The following PGBD5 variants were observed in gnomAD, a reference collection of about 807,000 sequenced individuals.
PGBD5 encodes piggyBac transposable element-derived protein 5.
Under a neutral mutation model 47.9 loss-of-function variants are expected in PGBD5, and 14 were observed. That is an observed-to-expected ratio of 0.29 (90% CI 0.19 to 0.46). The LOEUF (loss-of-function observed/expected upper bound fraction) is 0.46. Among genes scored for constraint, PGBD5 ranks in the 20% least tolerant of loss-of-function variants. PGBD5 has a pLI of 1.00. For synonymous variants in PGBD5, 316 were observed against 306.3 expected, an observed-to-expected ratio of 1.03 and a Z score of -0.33; for missense variants, 635 against 716.0, an observed-to-expected ratio of 0.89 and a Z score of 1.29.
Position 230,367,707 on chromosome 1 carries a change from A to C in PGBD5, c.332-10386T>G, listed in dbSNP as rs1440165500. 2.6e-5 allele frequency among the ~76,000 whole-genome samples: 4 copies of C among 152,200 alleles called. No individual in the cohort carries two copies. The East Asian group carries it at 5.8e-4, about 22-fold the overall frequency. ...AGACCCTGTCTCTTAAAAAATAATA[A>C]AATTTAAAAAGGGTGCTCCGTCATC... On this transcript the variant is annotated intron_variant, in intron 1 of 6. Coordinates refer to ENST00000391860, the MANE Select transcript of PGBD5 (RefSeq NM_001258311.2).
chr1:230,372,927 C>T (rs1667951714), intron 1 of PGBD5, among the ~76,000 whole-genome samples: 1 of 152,118 alleles, frequency 6.6e-6, no homozygotes, highest in Non-Finnish European at 1.5e-5. Flanking sequence ...CTACATATCA[C>T]CTCCTCCCAG....
intron 1 of PGBD5, among the ~76,000 whole-genome samples, chr1:230,397,178 G>A (rs900981714): frequency 1.3e-5 from 2 of 152,170 alleles, no homozygotes; most frequent in African/African-American, 2.4e-5. Context: ...CTTCACCCCC[G>A]CCACTGTGGA....
At chr1:230,405,999 T>C (rs1657289489) in intron 1 of PGBD5, among the ~76,000 whole-genome samples, 1 of 152,186 alleles carries the variant, frequency 6.6e-6, no homozygotes, top group African/African-American at 2.4e-5. Flanking sequence ...TATGCTAGGA[T>C]TCTTTACAGT....
intron 1 of PGBD5, among the ~76,000 whole-genome samples, chr1:230,362,009 T>C (rs1667751376): frequency 6.6e-6 from 1 of 152,172 alleles, no homozygotes; most frequent in Non-Finnish European, 1.5e-5. Flanking sequence ...CAGAATGCCT[T>C]GAATTTAGTG....
intron 5 of PGBD5, 73 bp downstream of exon 5, chr1:230,332,771 C>A: frequency 6.4e-7 from 1 of 1,554,472 alleles, no homozygotes; most frequent in South Asian, 1.2e-5. Context: ...CCACATCCAC[C>A]GCAGCGGTGG....
At chr1:230,364,680 A>G (rs984021166) in intron 1 of PGBD5, among the ~76,000 whole-genome samples, 2 of 152,290 alleles carry the variant, frequency 1.3e-5, no homozygotes, top group East Asian at 1.9e-4. Flanking sequence ...GAAGTTGTTC[A>G]CAGGAAATAT....
At chr1:230,365,999 G>A (rs1207460415) in intron 1 of PGBD5, among the ~76,000 whole-genome samples, 1 of 152,238 alleles carries the variant, frequency 6.6e-6, no homozygotes, top group Non-Finnish European at 1.5e-5. Flanking sequence ...TGACAGCAGG[G>A]CGAATCCTGT....
At chr1:230,351,399 C>G (rs1314708378) in intron 2 of PGBD5, among the ~76,000 whole-genome samples, 1 of 152,090 alleles carries the variant, frequency 6.6e-6, no homozygotes, top group Non-Finnish European at 1.5e-5. Context: ...GTCCCTTGTC[C>G]CAACTCTCAC....
In PGBD5 at chr1:230,337,305, C is replaced by G; in HGVS notation, c.895-17G>C. On this transcript the variant is annotated splice_polypyrimidine_tract_variant and intron_variant, in intron 3 of 6. Transcript: ENST00000391860. ...GACATAAATCTTTAACAGAAACACA[C>G]AGAGGTTAGCGTGCTCACAGCAGTG... 1 of 1,593,792 alleles carries G rather than the reference C, an allele frequency of 6.3e-7. No homozygotes were observed. Among genetic ancestry groups the G allele is most frequent in the Non-Finnish European group, 8.5e-7 (1 of 1,171,594 alleles).
intron 1 of PGBD5, among the ~76,000 whole-genome samples, chr1:230,416,350 C>T (rs1378847828): frequency 2.0e-5 from 3 of 152,128 alleles, no homozygotes; most frequent in Admixed American, 1.3e-4. Flanking sequence ...TTACCGGCAC[C>T]GAATCCCGTA....
intron 1 of PGBD5, among the ~76,000 whole-genome samples, chr1:230,403,540 A>G (rs1209469852): frequency 2.0e-5 from 3 of 152,230 alleles, no homozygotes; most frequent in East Asian, 1.9e-4. Context: ...TCTTAGAGCC[A>G]AAGGCCTCAG....
At chr1:230,415,041 G>C (rs1053424182) in intron 1 of PGBD5, among the ~76,000 whole-genome samples, 3 of 152,198 alleles carry the variant, frequency 2.0e-5, no homozygotes, top group Non-Finnish European at 4.4e-5. Context: ...AGAGGTGGAA[G>C]GATGGCTTGA....
At chr1:230,371,578 C>T (rs828447) in intron 1 of PGBD5, among the ~76,000 whole-genome samples, 108,537 of 151,954 alleles carry the variant, frequency 0.71, 39,181 homozygotes, top group Non-Finnish European at 0.74. Flanking sequence ...CCCAGTAAAC[C>T]TGTTCAACTT....
rs117686445 is a variant in PGBD5, at chr1:230,324,590, G to C, written c.1379+720C>G. The stretch of plus-strand genomic sequence containing the variant: ...GGAAGTACAGGTTACCCTCAAAGAA[G>C]GTTCAGTCAATATCTGATTTTGAGT... On this transcript the variant is annotated intron_variant, in intron 6 of 6. Coordinates refer to ENST00000391860, the MANE Select transcript of PGBD5 (RefSeq NM_001258311.2). Among the ~76,000 whole-genome samples the C allele has an allele frequency of 3.9e-3, 598 of 152,278 alleles. 8 individuals are homozygous for C. The East Asian group carries it at 0.052, about 13-fold the overall frequency.
At position 230,369,242 on chromosome 1, in the gene PGBD5, T is replaced by C. The variant is rs191507052; in HGVS notation, c.332-11921A>G. ...TTCCACCCCAGGACAGGAATCCCGC[T>C]TAAGAAGCAGCTCCTTGGAAGCAAT... On this transcript the variant is annotated intron_variant, in intron 1 of 6. Coordinates refer to ENST00000391860, the MANE Select transcript of PGBD5 (RefSeq NM_001258311.2). Among the ~76,000 whole-genome samples, 194 of 152,350 alleles carry C rather than the reference T, an allele frequency of 1.3e-3. 1 individual carries two copies. Among genetic ancestry groups the C allele is most frequent in the African/African-American group, 4.5e-3 (185 of 41,570 alleles).
Position 230,361,732 on chromosome 1 carries a change from G to GT in PGBD5, c.332-4412dup, listed in dbSNP as rs1475454051. ...CATTTGATCCTGAAAGTCGAAAGGA[G>GT]TAAGACTTGATATTCCCTCCCCAGG... On this transcript the variant is annotated intron_variant, in intron 1 of 6. Transcript: ENST00000391860. Among the ~76,000 whole-genome samples, 16 of 152,384 alleles carry GT rather than the reference G, an allele frequency of 1.0e-4. No homozygotes were observed. The East Asian group carries it at 2.9e-3, about 28-fold the overall frequency.
At chr1:230,358,907 T>C (rs1667700196) in intron 1 of PGBD5, among the ~76,000 whole-genome samples, 1 of 152,182 alleles carries the variant, frequency 6.6e-6, no homozygotes, top group Admixed American at 6.5e-5. Flanking sequence ...TCAGAATGTA[T>C]CTCTGTCATT....
At chr1:230,355,645 A>G (rs1234252325) in intron 2 of PGBD5, among the ~76,000 whole-genome samples, 1 of 152,212 alleles carries the variant, frequency 6.6e-6, no homozygotes, top group East Asian at 1.9e-4. Flanking sequence ...GACACACTGG[A>G]GGATGAGGCG....
Position 230,337,189 on chromosome 1 carries a change from T to G in PGBD5, c.994A>C (p.Asn332His). Residue 332 changes from asparagine (N) to histidine (H), a missense_variant, in exon 4 of 7, where the codon AAC (asparagine) becomes CAC (histidine). Physicochemically the swap from Asn to His is moderately conservative, Grantham distance 68. Transcript: ENST00000391860. ...ATGATGTAGTTCTTGCCTGCCGCGTTCCGGCACAGGCTCCTGGCCACCATG... is the reference window on the plus strand; with the variant it reads ...ATGATGTAGTTCTTGCCTGCCGCGTGCCGGCACAGGCTCCTGGCCACCATG... ...HSMVARSLCR[N>H]AAGKNYIIFT... 6.2e-7 allele frequency: 1 copy of G among 1,614,252 alleles called. No homozygotes were observed.
Sources: allele counts gnomAD v4.1 joint callset (sites outside exome capture counted in the v4.1 genomes callset), GRCh38; gene constraint gnomAD v4.1.1; transcripts MANE v1.5; gene names NCBI Gene and HGNC (gene_info 2026-07-23, HGNC 2026-07-21).